The following PCCA variants were observed in gnomAD, a reference collection of about 807,000 sequenced individuals.
PCCA encodes propionyl-CoA carboxylase subunit alpha.
A neutral mutation model predicts 101.3 loss-of-function variants in PCCA; 74 were observed. The ratio of observed to expected loss-of-function variants is 0.73; its 90% confidence interval spans 0.61 to 0.89. The LOEUF is 0.89. Ranked by LOEUF, PCCA falls within the 40% of genes least tolerant of loss-of-function variation. PCCA has a pLI of 0.00. For synonymous variants in PCCA, 294 were observed against 313.6 expected (o/e 0.94, Z 0.66); for missense variants, 891 against 907.0 (o/e 0.98, Z 0.23).
intron 21 of PCCA, among the ~76,000 whole-genome samples, chr13:100,506,441 G>A (rs1054960749): frequency 1.3e-4 from 20 of 152,028 alleles, no homozygotes; most frequent in African/African-American, 4.6e-4. Context: ...CTTGGCCGAC[G>A]GTCTACCTCA....
intron 18 of PCCA, among the ~76,000 whole-genome samples, chr13:100,360,290 C>T (rs935505136): frequency 6.6e-6 from 1 of 152,048 alleles, no homozygotes; most frequent in Non-Finnish European, 1.5e-5. Flanking sequence ...TCCCATAACA[C>T]GTGGGAATTC....
chr13:100,484,153 A>T (rs1249252494), intron 21 of PCCA, among the ~76,000 whole-genome samples: 1 of 152,134 alleles, frequency 6.6e-6, no homozygotes, highest in Non-Finnish European at 1.5e-5. Context: ...CTTTCCTGCT[A>T]TTCTTGTTCT....
At chr13:100,141,397 A>G (rs887889358) in intron 4 of PCCA, among the ~76,000 whole-genome samples, 5 of 150,876 alleles carry the variant, frequency 3.3e-5, no homozygotes, top group African/African-American at 1.2e-4. Flanking sequence ...ATTTTTTATT[A>G]CATTTATTTA....
chr13:100,188,177 C>T (rs2057444034), intron 6 of PCCA, among the ~76,000 whole-genome samples: 1 of 152,152 alleles, frequency 6.6e-6, no homozygotes, highest in African/African-American at 2.4e-5. Flanking sequence ...CCTGTAATCC[C>T]AGCTACTTGG....
intron 21 of PCCA, among the ~76,000 whole-genome samples, chr13:100,488,707 A>G (rs1326110223): frequency 2.0e-5 from 3 of 150,366 alleles, no homozygotes; most frequent in African/African-American, 7.4e-5. Context: ...TCAGGAGGCT[A>G]AGGCAGGAGG....
At chr13:100,213,626 G>GGTTA (rs2059352613) in intron 7 of PCCA, among the ~76,000 whole-genome samples, 1 of 151,950 alleles carries the variant, frequency 6.6e-6, no homozygotes, top group African/African-American at 2.4e-5. Flanking sequence ...TATATATTCT[G>GGTTA]GTTATTAATC....
At chr13:100,192,590 C>G (rs1203699134) in intron 6 of PCCA, among the ~76,000 whole-genome samples, 1 of 152,126 alleles carries the variant, frequency 6.6e-6, no homozygotes, top group East Asian at 1.9e-4. Context: ...ACCAGTAGTC[C>G]CAGCTACTCA....
chr13:100,458,474 C>T (rs1452965882), intron 21 of PCCA, among the ~76,000 whole-genome samples: 1 of 129,782 alleles, frequency 7.7e-6, no homozygotes, highest in East Asian at 2.3e-4. Flanking sequence ...CACACACACA[C>T]ACACACACAC....
At chr13:100,246,287 C>T (rs16957249) in intron 8 of PCCA, among the ~76,000 whole-genome samples, 81 of 152,096 alleles carry the variant, frequency 5.3e-4, no homozygotes, top group African/African-American at 1.9e-3. Context: ...GATTTTGACT[C>T]ATATGTTATT....
At chr13:100,152,649 T>C (rs1240322919) in intron 4 of PCCA, among the ~76,000 whole-genome samples, 1 of 152,114 alleles carries the variant, frequency 6.6e-6, no homozygotes, top group Admixed American at 6.5e-5. Flanking sequence ...GGTTTCACCA[T>C]GTTAGCCAGG....
At chr13:100,401,054 G>C (rs1176087183) in intron 19 of PCCA, among the ~76,000 whole-genome samples, 1 of 152,086 alleles carries the variant, frequency 6.6e-6, no homozygotes, top group Non-Finnish European at 1.5e-5. Flanking sequence ...CTAAGGAGAG[G>C]AAGAGAAACC....
At chr13:100,340,753 A>G (rs1423876181) in intron 18 of PCCA, among the ~76,000 whole-genome samples, 1 of 152,240 alleles carries the variant, frequency 6.6e-6, no homozygotes, top group Non-Finnish European at 1.5e-5. Context: ...CATGCTTTAT[A>G]TCAGGGTAAG....
intron 6 of PCCA, among the ~76,000 whole-genome samples, chr13:100,158,088 TAGGCTA>T (rs1289481905): frequency 1.3e-5 from 2 of 152,328 alleles, no homozygotes; most frequent in African/African-American, 4.8e-5. Context: ...CCCACACACT[TAGGCTA>T]AGTGTGTTAT....
intron 16 of PCCA, among the ~76,000 whole-genome samples, chr13:100,318,700 A>G (rs1404158583): frequency 6.6e-6 from 1 of 152,062 alleles, no homozygotes; most frequent in African/African-American, 2.4e-5. Context: ...CATGGTGTAT[A>G]TGTGCCACAT....
rs905044059 is a variant in PCCA, at chr13:100,498,258, G to T, written c.1900-17169G>T. On this transcript the variant is annotated intron_variant, in intron 21 of 23. Coordinates refer to ENST00000376285, the MANE Select transcript of PCCA (RefSeq NM_000282.4). Reference sequence around the variant, plus strand: ...GCCAAAAAAAAAAAAAAAAATTACCGATTTTTTTTTATTTTTTCATTCACA... The same window carrying T: ...GCCAAAAAAAAAAAAAAAAATTACCTATTTTTTTTTATTTTTTCATTCACA... Among the ~76,000 whole-genome samples the T allele has an allele frequency of 1.2e-4, 18 of 149,004 alleles. 1 individual carries two copies. Among genetic ancestry groups the T allele is most frequent in the Admixed American group, 5.4e-4 (8 of 14,904 alleles).
In PCCA at chr13:100,260,289, G is replaced by C. The variant is rs536204986; in HGVS notation, c.717-2440G>C. ...AGAAAACCTAATACCTTTTCTCTGA[G>C]ACCTCTGAGAAATGAGTTTTTTGCA... is the stretch of plus-strand genomic sequence containing the variant. On this transcript the variant is annotated intron_variant, in intron 9 of 23. Transcript: ENST00000376285. Among the ~76,000 whole-genome samples, 5 of 152,128 alleles carry C rather than the reference G, an allele frequency of 3.3e-5. No individual in the cohort carries two copies. In the South Asian group the frequency reaches 1.0e-3, roughly 32 times the overall value.
chr13:100,527,425 C>A, intron 22 of PCCA: 1 of 553,264 alleles, frequency 1.8e-6, no homozygotes, highest in Non-Finnish European at 3.4e-6. Flanking sequence ...TAGGCCCCGC[C>A]GCCAGGGTCC....
chr13:100,224,121 T>C (rs1431868480), intron 7 of PCCA, among the ~76,000 whole-genome samples: 1 of 152,140 alleles, frequency 6.6e-6, no homozygotes, highest in Non-Finnish European at 1.5e-5. Flanking sequence ...TCAGGGAGGC[T>C]CTGGCCCCAC....
At chr13:100,494,756 ACT>A (rs1477567104) in intron 21 of PCCA, among the ~76,000 whole-genome samples, 1 of 151,840 alleles carries the variant, frequency 6.6e-6, no homozygotes, top group Non-Finnish European at 1.5e-5. Context: ...ACTAGTGAAG[ACT>A]CTGCCCGGCC....
Sources: gnomAD v4.1 joint callset for allele counts (sites outside exome capture counted in the v4.1 genomes callset) on GRCh38, gnomAD v4.1.1 for gene constraint, MANE v1.5 for transcripts, NCBI Gene and HGNC (gene_info 2026-07-23, HGNC 2026-07-21) for gene names.